Variants in TRPC1 observed in about 807,000 individuals in gnomAD.
TRPC1 encodes the protein transient receptor potential cation channel subfamily C member 1.
A neutral mutation model predicts 88.2 loss-of-function variants in TRPC1; 42 were observed. That is an observed-to-expected ratio of 0.48 (90% CI 0.37 to 0.62). The LOEUF (loss-of-function observed/expected upper bound fraction) is 0.62. Ranked by LOEUF, TRPC1 falls within the 20% of genes least tolerant of loss-of-function variation. The probability of loss-of-function intolerance (pLI) is 0.00; values close to 1 mark genes in which losing one functional copy is unlikely to be tolerated. For missense variants in TRPC1, 699 were observed against 957.3 expected, an observed-to-expected ratio of 0.73 and a Z score of 3.56; for synonymous variants, 288 against 331.8, an observed-to-expected ratio of 0.87 and a Z score of 1.43.
chr3:142,759,980 C>T (rs556881860), intron 4 of TRPC1, among the ~76,000 whole-genome samples: 17 of 152,204 alleles, frequency 1.1e-4, no homozygotes, highest in Admixed American at 3.9e-4. Context: ...CCAGCCTCCA[C>T]GCCCGGCTAA....
intron 1 of TRPC1, among the ~76,000 whole-genome samples, chr3:142,728,405 C>T (rs977938323): frequency 7.3e-5 from 11 of 151,664 alleles, no homozygotes; most frequent in African/African-American, 2.4e-4. Context: ...CTCCGCCTCC[C>T]GGGTTCCAGC....
intron 4 of TRPC1, among the ~76,000 whole-genome samples, chr3:142,757,642 TG>T (rs1935024014): frequency 1.1e-5 from 1 of 89,394 alleles, no homozygotes; most frequent in South Asian, 3.5e-4. Flanking sequence ...CGGGGCCTCT[TG>T]GGGGATGGGG....
chr3:142,757,644 G>A (rs945831747), intron 4 of TRPC1, among the ~76,000 whole-genome samples: 2 of 151,952 alleles, frequency 1.3e-5, no homozygotes, highest in African/African-American at 4.8e-5. Context: ...GGGCCTCTTG[G>A]GGGATGGGGG....
chr3:142,796,658 G>T (rs1936461105), intron 9 of TRPC1, among the ~76,000 whole-genome samples: 1 of 138,550 alleles, frequency 7.2e-6, no homozygotes, highest in Non-Finnish European at 1.5e-5. Flanking sequence ...TGGAAAAATG[G>T]CTCCCATAGA....
chr3:142,746,440 A>G (rs1215726031), intron 3 of TRPC1, among the ~76,000 whole-genome samples: 1 of 152,166 alleles, frequency 6.6e-6, no homozygotes, highest in Non-Finnish European at 1.5e-5. Context: ...CAGTAATGCA[A>G]TGATAAGATG....
Position 142,743,530 on chromosome 3 carries a change from G to A in TRPC1, c.373G>A (p.Ala125Thr). 2.6e-6 allele frequency: 4 copies of A among 1,527,492 alleles called. No individual in the cohort carries two copies. In the South Asian group the frequency reaches 4.9e-5, roughly 19 times the overall value. The allele number at this position is 1,527,492 out of a possible 1,614,324, so 94.6% of individuals were successfully genotyped here. A position where few individuals can be genotyped will look rare whatever the true frequency, so the allele number is the denominator to read the frequency against. The change falls in exon 3 of 13, where the codon GCT becomes ACT. Residue 125 changes from alanine to threonine, a missense_variant. By Grantham distance (58) the Ala-to-Thr change is moderately conservative. This residue lies in a region of TRPC1 where 426 missense variants were observed against 641.3 expected (regional missense o/e 0.66). Coordinates refer to ENST00000476941, the MANE Select transcript of TRPC1 (RefSeq NM_001251845.2). Reference sequence around the variant, plus strand: ...GGCAATCGACTCTGAAGTAGTGGGAGCTGTTGATATACTACTTAATCATCG... The same window carrying A: ...GGCAATCGACTCTGAAGTAGTGGGAACTGTTGATATACTACTTAATCATCG... ...LVAIDSEVVG[A>T]VDILLNHRPK...
chr3:142,737,354 G>GTATGTATC (rs1553799439), intron 2 of TRPC1, among the ~76,000 whole-genome samples: 3 of 150,288 alleles, frequency 2.0e-5, no homozygotes, highest in Admixed American at 6.7e-5. Flanking sequence ...ATGTATGTAT[G>GTATGTATC]TATGTATAAA....
At chr3:142,778,303 T>C (rs1344777046) in intron 5 of TRPC1, among the ~76,000 whole-genome samples, 1 of 152,022 alleles carries the variant, frequency 6.6e-6, no homozygotes, top group Non-Finnish European at 1.5e-5. Flanking sequence ...ATACAACTAA[T>C]TAAGAGGGAT....
chr3:142,774,518 A>C (rs1156708214), intron 4 of TRPC1, among the ~76,000 whole-genome samples: 3 of 152,294 alleles, frequency 2.0e-5, no homozygotes, highest in Non-Finnish European at 4.4e-5. Flanking sequence ...ATGAAACTAC[A>C]AGTATACCAG....
intron 4 of TRPC1, among the ~76,000 whole-genome samples, chr3:142,777,256 C>T (rs1935810005): frequency 6.6e-6 from 1 of 152,118 alleles, no homozygotes; most frequent in South Asian, 2.1e-4. Flanking sequence ...GCTGTGATCA[C>T]TCCACTGCAC....
chr3:142,779,255 A>G (rs1935881624), intron 5 of TRPC1, among the ~76,000 whole-genome samples: 1 of 152,188 alleles, frequency 6.6e-6, no homozygotes, highest in Admixed American at 6.5e-5. Context: ...GCAGCATCTA[A>G]TTAGGAATAG....
chr3:142,743,630 A>C, intron 3 of TRPC1, 44 bp downstream of exon 3: 1 of 1,290,680 alleles, frequency 7.7e-7, no homozygotes, highest in Non-Finnish European at 1.0e-6. Flanking sequence ...TTTAAACCAA[A>C]ATAGATCTCT....
chr3:142,724,683 G>A lies in TRPC1; in HGVS notation c.124G>A (p.Glu42Lys). Reference protein sequence around the residue: ...MALKDVREVKEENTLNEKLFL... With the variant: ...MALKDVREVKKENTLNEKLFL... ...GCTGAAGGATGTGCGGGAGGTGAAG[G>A]AGGAGAATACGCTGAATGAGAAGCT... The change falls in exon 1 of 13, where the codon GAG (glutamate) becomes AAG (lysine). Residue 42 changes from glutamate to lysine, a missense_variant. Around this residue, in one of 4 missense-constraint regions of TRPC1, gnomAD observed 157 missense variants for 127.0 expected, o/e 1.24. Coordinates refer to ENST00000476941, the MANE Select transcript of TRPC1 (RefSeq NM_001251845.2). The surrounding 1 kb of genome is among the most constrained non-coding windows in gnomAD (Gnocchi z 5.6). The A allele has an allele frequency of 6.2e-7, 1 of 1,610,504 alleles. No individual in the cohort carries two copies. The highest frequency in any genetic ancestry group is 8.5e-7 in the Non-Finnish European group (1 of 1,177,830).
At chr3:142,788,548 A>C (rs1936202820) in intron 7 of TRPC1, among the ~76,000 whole-genome samples, 1 of 152,020 alleles carries the variant, frequency 6.6e-6, no homozygotes, top group Non-Finnish European at 1.5e-5. Flanking sequence ...TATCCCTTTT[A>C]GGGATGTCAA....
At chr3:142,758,829 C>T (rs1935078909) in intron 4 of TRPC1, among the ~76,000 whole-genome samples, 1 of 128,730 alleles carries the variant, frequency 7.8e-6, no homozygotes. Flanking sequence ...CTCCCCCCTC[C>T]CCCACCCCAC....
At chr3:142,758,876 C>T (rs1202409444) in intron 4 of TRPC1, among the ~76,000 whole-genome samples, 1 of 139,484 alleles carries the variant, frequency 7.2e-6, no homozygotes. Context: ...CACCTTGTGT[C>T]CAAGTGTTCT....
rs1936080799 is a variant in TRPC1 at position 142,784,820 on chromosome 3, C to G, written c.1077C>G (p.Ile359Met). 1 of 1,614,040 alleles carries G rather than the reference C, an allele frequency of 6.2e-7. No individual in the cohort carries two copies. The highest frequency in any genetic ancestry group is 1.3e-5 in the African/African-American group (1 of 74,932). The change falls in exon 7 of 13, where the codon ATC becomes ATG. Residue 359 changes from isoleucine to methionine, a missense_variant. Transcript: ENST00000476941. ...KKIMTVLTVG[I>M]FWPVLSLCYL... ...TAATGACTGTTTTGACAGTAGGCAT[C>G]TTTTGGCCAGTTTTGTCACTTTGTT...
In TRPC1 at chr3:142,781,007, C is replaced by T; in HGVS notation, c.938C>T (p.Ala313Val). The change falls in exon 6 of 13, where the codon GCT becomes GTT. Residue 313 changes from alanine to valine, a missense_variant. Ala to Val is a moderately conservative substitution (Grantham distance 64). Coordinates refer to ENST00000476941, the MANE Select transcript of TRPC1 (RefSeq NM_001251845.2). The stretch of plus-strand genomic sequence containing the variant: ...ATGAATTTAAGTCGTCTAAAACTTG[C>T]TATCAAATATAACCAGAAAGAGGTA... ...ERMNLSRLKL[A>V]IKYNQKEFVS... The T allele has an allele frequency of 1.2e-6, 2 of 1,612,010 alleles. No individual in the cohort carries two copies. Among genetic ancestry groups the T allele is most frequent in the East Asian group, 2.2e-5 (1 of 44,828 alleles).
chr3:142,780,723 G>A, intron 5 of TRPC1, 111 bp from the exon 6 acceptor site: 1 of 1,111,400 alleles, frequency 9.0e-7, no homozygotes, highest in Non-Finnish European at 1.2e-6. Flanking sequence ...TTCAGATTTT[G>A]TGTAACACTG....
Sources: gnomAD v4.1 joint callset for allele counts (sites outside exome capture counted in the v4.1 genomes callset) on GRCh38, gnomAD v4.1.1 for gene constraint, gnomAD v4.1.1 regional missense constraint, Gnocchi (gnomAD v3.1) non-coding constraint, MANE v1.5 for transcripts, NCBI Gene and HGNC (gene_info 2026-07-23, HGNC 2026-07-21) for gene names.